TINAG: variants seen among roughly 807,000 people sequenced by gnomAD.
The protein encoded by TINAG is tubulointerstitial nephritis antigen.
Under a neutral mutation model 72.7 loss-of-function variants are expected in TINAG, and 83 were observed. The ratio of observed to expected loss-of-function variants is 1.14; its 90% CI spans 0.96 to 1.37. TINAG has a LOEUF of 1.37. Among genes scored for constraint, TINAG ranks in the 40% most tolerant of loss-of-function variants. The pLI, the probability that TINAG is intolerant of heterozygous loss-of-function variation, is 0.00. For synonymous variants in TINAG, 234 were observed against 189.9 expected (o/e 1.23, Z -1.91); for missense variants, 685 against 576.6 (o/e 1.19, Z -1.93).
Position 54,342,361 on chromosome 6 carries a change from CT to C in TINAG, c.625-850del, listed in dbSNP as rs70983413. On this transcript the variant is annotated intron_variant, in intron 4 of 10. Coordinates refer to ENST00000259782, the MANE Select transcript of TINAG (RefSeq NM_014464.4). ...GTTGCTCTTTCACACTTCCTGAAGT[CT>C]TTTTTTTTTTTTTTGAGATGGAGTC... Among the ~76,000 whole-genome samples, 1,320 of 140,348 alleles carry C rather than the reference CT, an allele frequency of 9.4e-3. 3 individuals carry two copies. Among genetic ancestry groups the C allele is most frequent in the African/African-American group, 0.018 (684 of 38,410 alleles). The allele number at this position is 140,348 out of a possible 152,430, so 92.1% of individuals were successfully genotyped here. A position where few individuals can be genotyped will look rare whatever the true frequency, so the allele number is the denominator to read the frequency against.
intron 10 of TINAG, 53 bp downstream of exon 10, chr6:54,380,624 C>A (rs768089796): frequency 3.1e-5 from 45 of 1,431,514 alleles, no homozygotes; most frequent in Non-Finnish European, 4.4e-5. Flanking sequence ...ATGTTCAAAT[C>A]TTCTGTTCCT....
intron 9 of TINAG, among the ~76,000 whole-genome samples, chr6:54,379,414 G>A (rs561867202): frequency 2.3e-4 from 35 of 152,216 alleles, no homozygotes; most frequent in Admixed American, 9.2e-4. Flanking sequence ...AATCGTGTAC[G>A]TTTAGGTTTT....
chr6:54,317,100 A>G (rs868614265), intron 1 of TINAG, among the ~76,000 whole-genome samples: 9 of 152,058 alleles, frequency 5.9e-5, no homozygotes, highest in African/African-American at 2.2e-4. Context: ...GAATTCTTTC[A>G]TATCTCCACA....
At chr6:54,310,951 CTT>C (rs1356198453) in intron 1 of TINAG, among the ~76,000 whole-genome samples, 1 of 147,268 alleles carries the variant, frequency 6.8e-6, no homozygotes, top group Non-Finnish European at 1.5e-5. Context: ...TTTTCTCTCT[CTT>C]TCTCTTCTTT....
chr6:54,309,844 C>CA (rs58742359), intron 1 of TINAG, among the ~76,000 whole-genome samples: 80,619 of 141,114 alleles, frequency 0.57, 23,618 homozygotes, highest in Admixed American at 0.7. Context: ...AAGACTGTGT[C>CA]AAAAAAAAAA....
intron 9 of TINAG, among the ~76,000 whole-genome samples, chr6:54,374,484 G>A (rs866996776): frequency 6.6e-6 from 1 of 152,062 alleles, no homozygotes; most frequent in Non-Finnish European, 1.5e-5. Flanking sequence ...GCATTAATTA[G>A]CACTTTTTCA....
intron 1 of TINAG, among the ~76,000 whole-genome samples, chr6:54,309,892 G>A (rs1205456251): frequency 1.3e-5 from 2 of 149,860 alleles, no homozygotes; most frequent in African/African-American, 4.9e-5. Context: ...TCTCAATAAT[G>A]TCATCTTGTT....
intron 4 of TINAG, among the ~76,000 whole-genome samples, chr6:54,342,349 A>G (rs188148951): frequency 6.7e-6 from 1 of 150,114 alleles, no homozygotes; most frequent in East Asian, 1.9e-4. Flanking sequence ...GCTCTTTCAC[A>G]CTTCCTGAAG....
chr6:54,339,427 C>T (rs1013656966), intron 4 of TINAG, among the ~76,000 whole-genome samples: 9 of 152,030 alleles, frequency 5.9e-5, no homozygotes, highest in South Asian at 2.1e-4. Flanking sequence ...CAGAAAAATA[C>T]GAAAGATCAA....
chr6:54,372,886 G>A lies in TINAG; in HGVS notation c.1251-7640G>A, dbSNP rs112074106. On this transcript the variant is annotated intron_variant, in intron 9 of 10. Transcript: ENST00000259782. ...TGTCTTCTCTGCACAGAAATATCTA[G>A]GATATTACTGATTACTTCAATAAGA... is the stretch of plus-strand genomic sequence containing the variant. Among the ~76,000 whole-genome samples, 14 of 151,698 alleles carry A rather than the reference G, an allele frequency of 9.2e-5. 1 individual carries two copies. The highest frequency in any genetic ancestry group is 3.4e-4 in the African/African-American group (14 of 41,374).
chr6:54,347,424 C>T lies in TINAG; in HGVS notation c.806C>T (p.Ser269Phe). Residue 269 changes from serine (S) to phenylalanine (F), a missense_variant, in exon 6 of 11, where the codon TCC becomes TTC. By Grantham distance (155) the Ser-to-Phe change is radical. Transcript: ENST00000259782. ...QSKGRYTANL[S>F]PQNLISCCAK... ...AAGGGTCGATACACGGCCAATCTAT[C>T]CCCTCAGAATTTGATCTCTTGCTGT... The T allele has an allele frequency of 6.2e-7, 1 of 1,613,224 alleles. No individual in the cohort carries two copies.
intron 8 of TINAG, among the ~76,000 whole-genome samples, chr6:54,353,572 A>G (rs1287974349): frequency 6.6e-6 from 1 of 151,890 alleles, no homozygotes; most frequent in Non-Finnish European, 1.5e-5. Context: ...TGTGTTTTAG[A>G]GTAGATAAAG....
chr6:54,334,122 C>T (rs62412589), intron 4 of TINAG, among the ~76,000 whole-genome samples: 18,090 of 152,164 alleles, frequency 0.12, 1,253 homozygotes, highest in African/African-American at 0.18. Flanking sequence ...ACAAATCTGC[C>T]GTGTTACCAC....
At chr6:54,365,879 G>A (rs1763395420) in intron 9 of TINAG, among the ~76,000 whole-genome samples, 1 of 151,448 alleles carries the variant, frequency 6.6e-6, no homozygotes, top group African/African-American at 2.4e-5. Context: ...TTATAAGCTT[G>A]AACAGCCAGG....
intron 4 of TINAG, among the ~76,000 whole-genome samples, chr6:54,341,237 T>C (rs187281393): frequency 5.3e-5 from 8 of 151,912 alleles, no homozygotes; most frequent in Non-Finnish European, 1.2e-4. Context: ...AGGGTATGAG[T>C]TTTAAGATAT....
chr6:54,369,983 G>A (rs1763555977), intron 9 of TINAG: 1 of 151,958 alleles, frequency 6.6e-6, no homozygotes, highest in South Asian at 2.1e-4. Context: ...GCCAAACAGG[G>A]AAGAGGAAAA....
In TINAG at chr6:54,308,455, G is replaced by A. The variant is rs1421494045; in HGVS notation, c.-96G>A. ...TCAGTTTCAGGGTTCAGGCTGAAGTGTCTTAATGACTAGAATTCAGGTTCC... is the reference window on the plus strand; with the variant it reads ...TCAGTTTCAGGGTTCAGGCTGAAGTATCTTAATGACTAGAATTCAGGTTCC... On this transcript the variant is annotated 5_prime_UTR_variant, in exon 1 of 11. Coordinates refer to ENST00000259782, the MANE Select transcript of TINAG (RefSeq NM_014464.4). The A allele has an allele frequency of 3.0e-6, 3 of 1,006,876 alleles. No individual in the cohort carries two copies. The highest frequency in any genetic ancestry group is 4.4e-6 in the Non-Finnish European group (3 of 688,390). The allele number at this position is 1,006,876 out of a possible 1,614,324, so 62.4% of individuals were successfully genotyped here. A position where few individuals can be genotyped will look rare whatever the true frequency, so the allele number is the denominator to read the frequency against.
At chr6:54,346,534 A>ATTC (rs1785126547) in intron 5 of TINAG, among the ~76,000 whole-genome samples, 1 of 151,432 alleles carries the variant, frequency 6.6e-6, no homozygotes, top group Non-Finnish European at 1.5e-5. Context: ...GATTGTATAT[A>ATTC]TATAATTACA....
At chr6:54,341,513 T>G (rs1224545820) in intron 4 of TINAG, among the ~76,000 whole-genome samples, 1 of 152,170 alleles carries the variant, frequency 6.6e-6, no homozygotes, top group Non-Finnish European at 1.5e-5. Flanking sequence ...CAGGATACAA[T>G]AACTTTCTTG....
Sources: gnomAD v4.1 joint callset for allele counts (sites outside exome capture counted in the v4.1 genomes callset) on GRCh38, gnomAD v4.1.1 for gene constraint, MANE v1.5 for transcripts, NCBI Gene and HGNC (gene_info 2026-07-23, HGNC 2026-07-21) for gene names.